The following TAOK1 variants were observed in gnomAD, a reference collection of about 807,000 sequenced individuals.
TAOK1 encodes the protein TAO kinase 1.
Under a neutral mutation model 138.3 loss-of-function variants are expected in TAOK1, and 21 were observed. That is an observed-to-expected ratio of 0.15 (90% CI 0.11 to 0.22). The LOEUF (loss-of-function observed/expected upper bound fraction) is 0.22, where lower values mean the gene tolerates loss of function less well. TAOK1 is among the 10% of genes least tolerant of loss of function. The probability of loss-of-function intolerance (pLI) is 1.00; values close to 1 mark genes in which losing one functional copy is unlikely to be tolerated. For missense variants in TAOK1, 651 were observed against 1,227.7 expected, an observed-to-expected ratio of 0.53 and a Z score of 7.02; for synonymous variants, 361 against 398.4, an observed-to-expected ratio of 0.91 and a Z score of 1.12.
At position 29,443,395 on chromosome 17, in the gene TAOK1, T is replaced by C. The variant is rs1048027599; in HGVS notation, c.-94-8060T>C. On this transcript the variant is annotated intron_variant, in intron 1 of 19. Transcript: ENST00000261716. Reference sequence around the variant, plus strand: ...ACTATGTTTTGCAAATTTGGAACAGTTACTTAATTCTGAAAATCCTACTTT... The same window carrying C: ...ACTATGTTTTGCAAATTTGGAACAGCTACTTAATTCTGAAAATCCTACTTT... Among the ~76,000 whole-genome samples, 9 of 152,240 alleles carry C rather than the reference T, an allele frequency of 5.9e-5. 1 individual carries two copies. Among genetic ancestry groups the C allele is most frequent in the Non-Finnish European group, 1.3e-4 (9 of 68,042 alleles).
intron 4 of TAOK1, 34 bp from the exon 5 acceptor site, chr17:29,477,627 T>C (rs768857519): frequency 2.6e-6 from 3 of 1,158,098 alleles, no homozygotes; most frequent in South Asian, 5.8e-5. Flanking sequence ...TTTATAATAA[T>C]ATATTTTAAT....
At chr17:29,481,018 T>C (rs1353391240) in intron 7 of TAOK1, among the ~76,000 whole-genome samples, 1 of 152,144 alleles carries the variant, frequency 6.6e-6, no homozygotes, top group Non-Finnish European at 1.5e-5. Context: ...TAGCCACTTT[T>C]ATCATGGAGC....
chr17:29,474,620 A>G (rs757631784), intron 3 of TAOK1, among the ~76,000 whole-genome samples: 3 of 152,164 alleles, frequency 2.0e-5, no homozygotes, highest in Admixed American at 6.5e-5. Flanking sequence ...GATTAAATTC[A>G]CCATCTTATA....
intron 11 of TAOK1, 134 bp downstream of exon 11, chr17:29,495,861 A>T (rs1363099057): frequency 6.9e-6 from 5 of 727,502 alleles, no homozygotes; most frequent in African/African-American, 5.4e-5. Context: ...GGTCCTATAA[A>T]ATCCCAGTTA....
At chr17:29,509,528 A>G (rs2031681202) in intron 14 of TAOK1, among the ~76,000 whole-genome samples, 1 of 152,010 alleles carries the variant, frequency 6.6e-6, no homozygotes, top group African/African-American at 2.4e-5. Flanking sequence ...GCTTGGGAAA[A>G]GGCGATACTA....
At chr17:29,531,262 C>T (rs1000375541) in intron 18 of TAOK1, among the ~76,000 whole-genome samples, 11 of 151,362 alleles carry the variant, frequency 7.3e-5, no homozygotes, top group Admixed American at 4.6e-4. Flanking sequence ...CCACCACGCC[C>T]GGCTACAAAT....
chr17:29,417,414 A>G (rs1905294881), intron 1 of TAOK1, among the ~76,000 whole-genome samples: 1 of 152,176 alleles, frequency 6.6e-6, no homozygotes, highest in South Asian at 2.1e-4. Context: ...TAGGTTTTGC[A>G]GATACGTTTT....
intron 2 of TAOK1, among the ~76,000 whole-genome samples, chr17:29,455,205 C>T (rs1567723007): frequency 6.6e-6 from 1 of 150,888 alleles, no homozygotes; most frequent in African/African-American, 2.5e-5. Flanking sequence ...GCCACTGCAT[C>T]TGGTCATTCC....
chr17:29,464,465 A>G (rs1598491898), intron 2 of TAOK1, among the ~76,000 whole-genome samples: 1 of 151,888 alleles, frequency 6.6e-6, no homozygotes, highest in East Asian at 1.9e-4. Context: ...AAAAGAAAAA[A>G]AAAATGTTCT....
intron 1 of TAOK1, among the ~76,000 whole-genome samples, chr17:29,395,814 C>T (rs975227725): frequency 4.9e-5 from 7 of 142,458 alleles, no homozygotes; most frequent in South Asian, 2.2e-4. Context: ...CATGCCACCA[C>T]GTCTGGCTAA....
chr17:29,413,665 A>C (rs1335515822), intron 1 of TAOK1, among the ~76,000 whole-genome samples: 2 of 152,134 alleles, frequency 1.3e-5, no homozygotes, highest in African/African-American at 4.8e-5. Flanking sequence ...GTACATTCAC[A>C]GTGTTGTATA....
intron 3 of TAOK1, among the ~76,000 whole-genome samples, chr17:29,470,913 A>G (rs954082909): frequency 7.9e-5 from 12 of 152,306 alleles, no homozygotes; most frequent in East Asian, 1.9e-4. Flanking sequence ...ACTTGAGGTC[A>G]GGAGTTTGAG....
intron 8 of TAOK1, among the ~76,000 whole-genome samples, chr17:29,487,830 T>A (rs575746752): frequency 6.6e-6 from 1 of 152,320 alleles, no homozygotes; most frequent in African/African-American, 2.4e-5. Flanking sequence ...CAGAGTACCA[T>A]CTTACAAAAT....
chr17:29,498,599 G>T (rs2031456185), intron 12 of TAOK1, 78 bp downstream of exon 12: 2 of 1,528,968 alleles, frequency 1.3e-6, no homozygotes, highest in African/African-American at 1.4e-5. Context: ...AGAGAAGGAA[G>T]AAGGAAGATA....
At chr17:29,490,267 C>T (rs2031272034) in intron 9 of TAOK1, among the ~76,000 whole-genome samples, 1 of 152,006 alleles carries the variant, frequency 6.6e-6, no homozygotes, top group Non-Finnish European at 1.5e-5. Flanking sequence ...ATCTGATATT[C>T]CTTCTAGGAC....
chr17:29,447,680 A>G (rs183689000), intron 1 of TAOK1, among the ~76,000 whole-genome samples: 161 of 149,194 alleles, frequency 1.1e-3, no homozygotes, highest in Middle Eastern at 6.8e-3. Flanking sequence ...TTTTTGAGAC[A>G]GAGTGTCGCT....
At chr17:29,523,289 AAAAC>A (rs2031952164) in intron 17 of TAOK1, among the ~76,000 whole-genome samples, 1 of 152,032 alleles carries the variant, frequency 6.6e-6, no homozygotes, top group Non-Finnish European at 1.5e-5. Flanking sequence ...AGAAAAAAAA[AAAAC>A]AAGAAAAAGT....
chr17:29,464,554 A>G (rs974599977), intron 2 of TAOK1, among the ~76,000 whole-genome samples: 1 of 152,196 alleles, frequency 6.6e-6, no homozygotes, highest in Non-Finnish European at 1.5e-5. Context: ...AAATGGGTAA[A>G]TTATATGGTA....
At chr17:29,487,933 AG>A (rs1490261837) in intron 8 of TAOK1, among the ~76,000 whole-genome samples, 1 of 152,226 alleles carries the variant, frequency 6.6e-6, no homozygotes. Flanking sequence ...GAATACCATC[AG>A]TAACAGAACT....
Sources: gnomAD v4.1 joint callset for allele counts (sites outside exome capture counted in the v4.1 genomes callset) on GRCh38, gnomAD v4.1.1 for gene constraint, MANE v1.5 for transcripts, NCBI Gene and HGNC (gene_info 2026-07-23, HGNC 2026-07-21) for gene names.